The following FOXP2 variants were observed in gnomAD, a reference collection of about 807,000 sequenced individuals.
FOXP2 encodes forkhead box protein P2.
FOXP2 carries 12 observed loss-of-function variants against 115.8 expected under a neutral mutation model. The observed-to-expected ratio is 0.10, with a 90% CI of 0.07 to 0.17. The LOEUF is 0.17. Among genes scored for constraint, FOXP2 ranks in the 10% least tolerant of loss-of-function variants. FOXP2 has a pLI of 1.00. For synonymous variants in FOXP2, 328 were observed against 297.7 expected, an observed-to-expected ratio of 1.10 and a Z score of -1.05; for missense variants, 629 against 843.5, an observed-to-expected ratio of 0.75 and a Z score of 3.15.
chr7:114,488,760 C>A (rs1394934631), intron 2 of FOXP2, among the ~76,000 whole-genome samples: 1 of 152,144 alleles, frequency 6.6e-6, no homozygotes, highest in Non-Finnish European at 1.5e-5. Context: ...TTGCAAAATT[C>A]AAGAATTCCT....
intron 2 of FOXP2, among the ~76,000 whole-genome samples, chr7:114,523,208 A>G (rs1798706548): frequency 6.6e-6 from 1 of 152,168 alleles, no homozygotes; most frequent in African/African-American, 2.4e-5. Flanking sequence ...AATGATAGGG[A>G]TGAGATCATA....
In FOXP2 at chr7:114,229,510, T is replaced by A. The variant is rs549830437; in HGVS notation, c.-101-58509T>A. Among the ~76,000 whole-genome samples, 100 of 151,728 alleles carry A rather than the reference T, an allele frequency of 6.6e-4. No individual in the cohort carries two copies. In the Middle Eastern group the frequency reaches 0.014, roughly 21 times the overall value. On this transcript the variant is annotated intron_variant, in intron 1 of 17. Transcript: ENST00000634411. ...ATCATGTGTTAGGTCATAAAACAAG[T>A]TTGCAAATGTAAGAAGATTGAAATA...
intron 1 of FOXP2, among the ~76,000 whole-genome samples, chr7:114,287,051 T>A (rs1796483117): frequency 6.6e-6 from 1 of 152,030 alleles, no homozygotes; most frequent in Non-Finnish European, 1.5e-5. Flanking sequence ...GAACTTCCTG[T>A]GGCAGATTCA....
chr7:114,602,338 A>C (rs573543864), intron 3 of FOXP2, among the ~76,000 whole-genome samples: 1 of 152,054 alleles, frequency 6.6e-6, no homozygotes, highest in South Asian at 2.1e-4. Flanking sequence ...ATTTATTACT[A>C]CCTTTTTACT....
At chr7:114,525,063 G>A (rs1464676116) in intron 2 of FOXP2, among the ~76,000 whole-genome samples, 1 of 152,184 alleles carries the variant, frequency 6.6e-6, no homozygotes, top group East Asian at 1.9e-4. Flanking sequence ...AACTTGGACA[G>A]ATTGCAGAAC....
At chr7:114,388,241 T>C (rs1183381186) in intron 2 of FOXP2, among the ~76,000 whole-genome samples, 4 of 152,128 alleles carry the variant, frequency 2.6e-5, no homozygotes, top group African/African-American at 9.7e-5. Flanking sequence ...GGCCTTTGCC[T>C]CTCAAAGCTG....
At chr7:114,130,444 T>C (rs2129145151) in intron 1 of FOXP2, among the ~76,000 whole-genome samples, 1 of 152,366 alleles carries the variant, frequency 6.6e-6, no homozygotes, top group East Asian at 1.9e-4. Flanking sequence ...TCATTATTTG[T>C]GTAGGTTTTC....
At chr7:114,563,701 C>A (rs988768175) in intron 3 of FOXP2, among the ~76,000 whole-genome samples, 15 of 152,190 alleles carry the variant, frequency 9.9e-5, no homozygotes, top group African/African-American at 3.6e-4. Context: ...GTCACCTGAA[C>A]TTAAGTCTTG....
chr7:114,390,512 T>TTTTATTTATGTATTTA (rs1554382679), intron 2 of FOXP2, among the ~76,000 whole-genome samples: 8 of 40,260 alleles, frequency 2.0e-4, no homozygotes, highest in African/African-American at 4.5e-4. Flanking sequence ...CATACTTTTG[T>TTTTATTTATGTATTTA]TTTATTTATG....
chr7:114,439,995 G>A (rs1266665945), intron 2 of FOXP2, among the ~76,000 whole-genome samples: 1 of 152,154 alleles, frequency 6.6e-6, no homozygotes, highest in East Asian at 1.9e-4. Flanking sequence ...ACCAGCATTT[G>A]TAGAAACCTA....
intron 7 of FOXP2, 65 bp downstream of exon 7, chr7:114,642,688 A>G: frequency 1.4e-6 from 2 of 1,442,908 alleles, no homozygotes. Flanking sequence ...CATTGAGACA[A>G]TGAAAAAGAA....
At chr7:114,257,892 A>G (rs1373400063) in intron 1 of FOXP2, among the ~76,000 whole-genome samples, 1 of 152,206 alleles carries the variant, frequency 6.6e-6, no homozygotes, top group Non-Finnish European at 1.5e-5. Flanking sequence ...TGCTTAAAGA[A>G]CAACAAGGAG....
At chr7:114,341,110 A>T (rs1791200172) in intron 2 of FOXP2, among the ~76,000 whole-genome samples, 1 of 151,276 alleles carries the variant, frequency 6.6e-6, no homozygotes, top group African/African-American at 2.4e-5. Flanking sequence ...CGCATACCAC[A>T]TACTCTGAAC....
In FOXP2 at chr7:114,110,164, GCTAGCC is replaced by G. The variant is rs549609851; in HGVS notation, c.-247+22331_-247+22336del. On this transcript the variant is annotated intron_variant, in intron 1 of 19. Transcript: ENST00000635638. ...TTGACTTCTTTTTATCATTATGTGT[GCTAGCC>G]CTAGTCGTAGTTCTAACCTCCGTAG... Among the ~76,000 whole-genome samples the G allele has an allele frequency of 1.8e-4, 28 of 152,228 alleles. No individual in the cohort carries two copies. In the East Asian group the frequency reaches 5.0e-3, roughly 27 times the overall value.
chr7:114,143,989 A>AT (rs1413238151), intron 1 of FOXP2, among the ~76,000 whole-genome samples: 2 of 151,996 alleles, frequency 1.3e-5, no homozygotes, highest in Non-Finnish European at 2.9e-5. Context: ...CCAATTTCAG[A>AT]TTTTGAGTTT....
rs540439003 is a variant in FOXP2 at position 114,540,455 on chromosome 7, G to A, written c.258+5749G>A. On this transcript the variant is annotated intron_variant, in intron 3 of 16. Transcript: ENST00000350908. The stretch of plus-strand genomic sequence containing the variant: ...AGTGGAGCAAAGGAGATTTGGAGGA[G>A]GAAAAAAAACATCCATTCATTCAGT... Among the ~76,000 whole-genome samples, 4 of 151,664 alleles carry A rather than the reference G, an allele frequency of 2.6e-5. No individual in the cohort carries two copies. The South Asian group carries it at 8.3e-4, about 32-fold the overall frequency.
intron 1 of FOXP2, among the ~76,000 whole-genome samples, chr7:114,240,752 TTTATC>T (rs1795131606): frequency 6.6e-6 from 1 of 152,048 alleles, no homozygotes; most frequent in Non-Finnish European, 1.5e-5. Flanking sequence ...AATAATCACT[TTTATC>T]TTATTCATTT....
intron 2 of FOXP2, among the ~76,000 whole-genome samples, chr7:114,486,807 T>C (rs941193846): frequency 9.9e-5 from 15 of 152,194 alleles, no homozygotes; most frequent in Admixed American, 6.5e-5. Flanking sequence ...TTTGACTCCA[T>C]GTCTCACATC....
At chr7:114,315,146 G>T (rs1259566295) in intron 2 of FOXP2, among the ~76,000 whole-genome samples, 1 of 152,138 alleles carries the variant, frequency 6.6e-6, no homozygotes, top group Non-Finnish European at 1.5e-5. Flanking sequence ...CTCTGTGAGG[G>T]TTAATTGTTT....
Sources: gnomAD v4.1 joint callset for allele counts (sites outside exome capture counted in the v4.1 genomes callset) on GRCh38, gnomAD v4.1.1 for gene constraint, MANE v1.5 for transcripts, NCBI Gene and HGNC (gene_info 2026-07-23, HGNC 2026-07-21) for gene names.